TET3: variants seen among roughly 807,000 people sequenced by gnomAD.
TET3 encodes methylcytosine dioxygenase TET3.
A neutral mutation model predicts 141.4 loss-of-function variants in TET3; 19 were observed. That is an observed-to-expected ratio of 0.13 (90% confidence interval 0.09 to 0.20). The LOEUF (loss-of-function observed/expected upper bound fraction) is 0.20. Ranked by LOEUF, TET3 falls within the 10% of genes least tolerant of loss-of-function variation. TET3 has a pLI of 1.00. For missense variants in TET3, 1,874 were observed against 2,356.9 expected, an observed-to-expected ratio of 0.80 and a Z score of 4.24; for synonymous variants, 1,043 against 980.9, an observed-to-expected ratio of 1.06 and a Z score of -1.18.
At chr2:73,989,206 G>T (rs1475991101) in intron 2 of TET3, among the ~76,000 whole-genome samples, 1 of 152,096 alleles carries the variant, frequency 6.6e-6, no homozygotes, top group African/African-American at 2.4e-5. Context: ...GATCTTAGCA[G>T]CCGTGTGGCA....
intron 3 of TET3, among the ~76,000 whole-genome samples, chr2:74,035,387 C>T (rs1472720147): frequency 2.1e-5 from 3 of 145,118 alleles, no homozygotes; most frequent in Non-Finnish European, 4.5e-5. Flanking sequence ...TGGCGTGAAC[C>T]TGGGAGGCGG....
At chr2:74,082,593 G>C (rs1689893336) in intron 6 of TET3, among the ~76,000 whole-genome samples, 1 of 151,528 alleles carries the variant, frequency 6.6e-6, no homozygotes, top group African/African-American at 2.4e-5. Context: ...GGAGCAAATG[G>C]GTGGTCAATC....
downstream of TET3, among the ~76,000 whole-genome samples, chr2:74,113,173 G>A (rs111442244): frequency 6.5e-3 from 985 of 151,686 alleles, 9 homozygotes; most frequent in African/African-American, 0.022. Context: ...GGCAGATCAC[G>A]AGGTAGTTCG....
chr2:74,096,063 GTACTT>G (rs1332834150), intron 10 of TET3, among the ~76,000 whole-genome samples: 57 of 152,074 alleles, frequency 3.7e-4, no homozygotes, highest in Admixed American at 6.5e-5. Flanking sequence ...TCCTATTTAT[GTACTT>G]TACTTATTTT....
chr2:74,028,548 TAA>T (rs1686503899), intron 3 of TET3, among the ~76,000 whole-genome samples: 1 of 152,168 alleles, frequency 6.6e-6, no homozygotes, highest in South Asian at 2.1e-4. Context: ...TTGTCCCAAT[TAA>T]AAGACTGTTC....
downstream of TET3, among the ~76,000 whole-genome samples, chr2:74,111,248 G>T (rs1486026323): frequency 6.6e-6 from 1 of 152,092 alleles, no homozygotes; most frequent in African/African-American, 2.4e-5. Context: ...TTCCTTCAAA[G>T]GACTTGTTCA....
chr2:74,112,871 C>T (rs982083793), downstream of TET3, among the ~76,000 whole-genome samples: 6 of 151,570 alleles, frequency 4.0e-5, no homozygotes, highest in Admixed American at 6.6e-5. Flanking sequence ...CAAGGTGGTG[C>T]GTTCCTGTAA....
intron 3 of TET3, among the ~76,000 whole-genome samples, chr2:74,008,113 G>A (rs1401529783): frequency 2.6e-5 from 4 of 152,180 alleles, no homozygotes. Flanking sequence ...ATCTGGGACA[G>A]CATAGGGTCT....
rs1269307192 is a variant in TET3 at position 74,100,796 on chromosome 2, G to A, written c.4008G>A (p.Glu1336=). ...NSLSPAYGGA[E]FAELPSQAVP... The stretch of plus-strand genomic sequence containing the variant: ...TGAGCCCGGCCTACGGTGGTGCTGA[G>A]TTTGCCGAGCTGCCCAGCCAGGCTG... The change falls in exon 12 of 12, where the codon GAG becomes GAA. Residue 1336 remains glutamate, a synonymous_variant. Coordinates refer to ENST00000409262, the MANE Select transcript of TET3 (RefSeq NM_001287491.2). 6 of 1,612,824 alleles carry A rather than the reference G, an allele frequency of 3.7e-6. No homozygotes were observed. The highest frequency in any genetic ancestry group is 1.1e-5 in the South Asian group (1 of 90,818).
At chr2:74,120,197 C>T in the TET3 span, among the ~76,000 whole-genome samples, 1 of 152,210 alleles carries the variant, frequency 6.6e-6, no homozygotes, top group Admixed American at 6.5e-5. Context: ...TTCTAGGCGC[C>T]CGGCTCCCGG....
downstream of TET3, among the ~76,000 whole-genome samples, chr2:74,110,860 T>A (rs1298117594): frequency 1.3e-5 from 2 of 152,134 alleles, no homozygotes; most frequent in African/African-American, 4.8e-5. Context: ...CCATTAACCC[T>A]TTTCTGTGGC....
the TET3 span, among the ~76,000 whole-genome samples, chr2:74,132,001 G>T: frequency 6.6e-6 from 1 of 152,184 alleles, no homozygotes; most frequent in East Asian, 1.9e-4. Flanking sequence ...CTGGTTGCGG[G>T]TGGGGTGAAG....
the TET3 span, chr2:74,135,344 A>G: frequency 1.6e-6 from 1 of 616,464 alleles, no homozygotes; most frequent in African/African-American, 1.8e-5. Flanking sequence ...GCAGGACAGA[A>G]CTGTCTAAAG....
chr2:74,060,705 G>C (rs897804508), intron 4 of TET3, among the ~76,000 whole-genome samples: 1 of 152,132 alleles, frequency 6.6e-6, no homozygotes, highest in African/African-American at 2.4e-5. Flanking sequence ...GGGTACTTGA[G>C]ATTAGGGAGT....
chr2:74,115,927 A>G, the TET3 span, among the ~76,000 whole-genome samples: 1 of 150,864 alleles, frequency 6.6e-6, no homozygotes, highest in South Asian at 2.1e-4. Flanking sequence ...AGGTGGGAGG[A>G]CTGGTTAAGC....
the TET3 span, among the ~76,000 whole-genome samples, chr2:74,131,511 C>T: frequency 6.6e-6 from 1 of 152,148 alleles, no homozygotes; most frequent in African/African-American, 2.4e-5. Flanking sequence ...TCTCAGGTTA[C>T]TGGCCACCCT....
rs558833187 is a variant in TET3 at position 74,007,319 on chromosome 2, C to T, written c.360+4153C>T. On this transcript the variant is annotated intron_variant, in intron 3 of 11. Coordinates refer to ENST00000409262, the MANE Select transcript of TET3 (RefSeq NM_001287491.2). Reference sequence around the variant, plus strand: ...TGGCTCAGAGAACCTCAAGGGACTTCGAAGGTTGACTCAACATGCCAAGTT... The same window carrying T: ...TGGCTCAGAGAACCTCAAGGGACTTTGAAGGTTGACTCAACATGCCAAGTT... Among the ~76,000 whole-genome samples the T allele has an allele frequency of 8.5e-5, 13 of 152,280 alleles. No individual in the cohort carries two copies. In the East Asian group the frequency reaches 1.5e-3, roughly 18 times the overall value.
intron 4 of TET3, among the ~76,000 whole-genome samples, chr2:74,060,348 T>C (rs1487378400): frequency 2.0e-5 from 3 of 152,206 alleles, no homozygotes; most frequent in African/African-American, 7.2e-5. Context: ...CCCATTTCTG[T>C]ATTGTTTTTC....
Position 74,104,138 on chromosome 2 carries a change from GA to G in TET3, c.*1971del, listed in dbSNP as rs879314379. On this transcript the variant is annotated 3_prime_UTR_variant, in exon 12 of 12. Coordinates refer to ENST00000409262, the MANE Select transcript of TET3 (RefSeq NM_001287491.2). ...TTTGCCTAGATTTAAACAGCAACTT[GA>G]AAAAAAAAGTATGTTTTAACATGTA... is the stretch of plus-strand genomic sequence containing the variant. 48 of 151,876 alleles carry G rather than the reference GA, an allele frequency of 3.2e-4. No individual in the cohort carries two copies. Among genetic ancestry groups the G allele is most frequent in the Non-Finnish European group, 5.0e-4 (34 of 67,708 alleles). 9.4% of individuals were successfully genotyped at this position (151,876 alleles called of 1,614,324 possible).
Sources: allele counts gnomAD v4.1 joint callset (sites outside exome capture counted in the v4.1 genomes callset), GRCh38; gene constraint gnomAD v4.1.1; transcripts MANE v1.5; gene names NCBI Gene and HGNC (gene_info 2026-07-23, HGNC 2026-07-21).